RBMS3: variants seen among roughly 807,000 people sequenced by gnomAD.
RBMS3 encodes the protein RNA binding motif single stranded interacting protein 3, also known as RNA-binding motif, single-stranded-interacting protein 3.
A neutral mutation model predicts 66.8 loss-of-function variants in RBMS3; 27 were observed. The observed-to-expected ratio is 0.40, with a 90% CI of 0.30 to 0.56. The LOEUF (loss-of-function observed/expected upper bound fraction) is 0.56. RBMS3 is among the 20% of genes least tolerant of loss of function. The pLI is 0.40. For missense variants in RBMS3, 513 were observed against 549.5 expected, an observed-to-expected ratio of 0.93 and a Z score of 0.66; for synonymous variants, 188 against 183.0, an observed-to-expected ratio of 1.03 and a Z score of -0.22.
chr3:29,922,456 C>T (rs559846848), intron 10 of RBMS3, among the ~76,000 whole-genome samples: 80 of 143,302 alleles, frequency 5.6e-4, no homozygotes, highest in Admixed American at 3.6e-4. Context: ...CACTGCAGTC[C>T]GCAGTCCGGC....
chr3:29,773,443 G>T (rs904326122), intron 6 of RBMS3, among the ~76,000 whole-genome samples: 1 of 151,982 alleles, frequency 6.6e-6, no homozygotes, highest in Non-Finnish European at 1.5e-5. Flanking sequence ...AGCAAGATTG[G>T]GAGGCTGTAC....
intron 10 of RBMS3, among the ~76,000 whole-genome samples, chr3:29,903,827 ATTT>A (rs1292500869): frequency 6.6e-6 from 1 of 151,972 alleles, no homozygotes; most frequent in Non-Finnish European, 1.5e-5. Flanking sequence ...TCAATACATG[ATTT>A]GTTGCCATGG....
intron 3 of RBMS3, among the ~76,000 whole-genome samples, chr3:29,531,595 A>G (rs2045353545): frequency 6.6e-6 from 1 of 152,340 alleles, no homozygotes; most frequent in South Asian, 2.1e-4. Flanking sequence ...AATACGAGAC[A>G]CTGATGTTCC....
intron 14 of RBMS3, among the ~76,000 whole-genome samples, chr3:30,003,044 A>C (rs924974352): frequency 1.3e-5 from 2 of 152,038 alleles, no homozygotes; most frequent in Non-Finnish European, 2.9e-5. Flanking sequence ...CCCTGAGCAA[A>C]GAGGCCTTCA....
At position 30,006,085 on chromosome 3, in the gene RBMS3, C is replaced by T. The variant is rs2125409783; in HGVS notation, c.*2223C>T. On this transcript the variant is annotated 3_prime_UTR_variant, in exon 15 of 15. Transcript: ENST00000383767. ...AGTGAACCATTCACTAGATTGCTTTCTGAATGAATCCTTTGAATCAAATAG... is the reference window on the plus strand; with the variant it reads ...AGTGAACCATTCACTAGATTGCTTTTTGAATGAATCCTTTGAATCAAATAG... 2.0e-5 allele frequency: 3 copies of T among 151,992 alleles called. No individual in the cohort carries two copies. The highest frequency in any genetic ancestry group is 3.4e-3 in the Middle Eastern group (1 of 294). The allele number at this position is 151,992 out of a possible 1,614,324, so 9.4% of individuals were successfully genotyped here.
chr3:29,615,847 T>C (rs1020069158), intron 4 of RBMS3: 5 of 152,240 alleles, frequency 3.3e-5, no homozygotes, highest in African/African-American at 9.6e-5. Context: ...ACATCTCTCT[T>C]ATGTCTTTAC....
intron 4 of RBMS3, among the ~76,000 whole-genome samples, chr3:29,689,954 A>G (rs868010801): frequency 2.5e-4 from 35 of 140,038 alleles, no homozygotes; most frequent in African/African-American, 9.2e-4. Flanking sequence ...AAAAAAAAAA[A>G]AGTGAAAGAA....
At chr3:29,962,692 T>G (rs7612379) in intron 12 of RBMS3, among the ~76,000 whole-genome samples, 50,219 of 151,308 alleles carry the variant, frequency 0.33, 9,270 homozygotes, top group African/African-American at 0.49. Context: ...GGATTACATC[T>G]TGCTTGGATA....
chr3:29,892,812 T>C (rs1462846655), intron 8 of RBMS3, among the ~76,000 whole-genome samples: 2 of 120,906 alleles, frequency 1.7e-5, no homozygotes, highest in Admixed American at 8.4e-5. Flanking sequence ...AGTATGTATG[T>C]ATGTATGTAT....
intron 3 of RBMS3, among the ~76,000 whole-genome samples, chr3:29,521,692 A>G (rs1004398718): frequency 3.9e-5 from 6 of 152,218 alleles, no homozygotes; most frequent in Non-Finnish European, 4.4e-5. Context: ...CTCTTTATGT[A>G]CATTCCCTCA....
chr3:29,345,462 G>A (rs905730789), intron 1 of RBMS3, among the ~76,000 whole-genome samples: 1 of 151,998 alleles, frequency 6.6e-6, no homozygotes, highest in African/African-American at 2.4e-5. Context: ...GTCTCTCACT[G>A]TTTCTTCCTC....
At chr3:29,526,508 G>A (rs917795658) in intron 3 of RBMS3, among the ~76,000 whole-genome samples, 1 of 99,124 alleles carries the variant, frequency 1.0e-5, no homozygotes, top group Non-Finnish European at 1.8e-5. Flanking sequence ...ACGACAGAGC[G>A]AGACTCCATC....
At chr3:29,935,148 A>G (rs997889447) in intron 10 of RBMS3, among the ~76,000 whole-genome samples, 2 of 152,062 alleles carry the variant, frequency 1.3e-5, no homozygotes, top group African/African-American at 4.8e-5. Context: ...AAGCTTTTTA[A>G]GTTTGTTTTT....
At chr3:29,551,120 A>G (rs2046167218) in intron 3 of RBMS3, among the ~76,000 whole-genome samples, 1 of 152,198 alleles carries the variant, frequency 6.6e-6, no homozygotes, top group South Asian at 2.1e-4. Context: ...TTAAGCCTTG[A>G]TGGGCAGGTA....
At chr3:29,969,426 C>T (rs1393970049) in intron 12 of RBMS3, among the ~76,000 whole-genome samples, 1 of 152,182 alleles carries the variant, frequency 6.6e-6, no homozygotes, top group Non-Finnish European at 1.5e-5. Context: ...AGAGCTGCCT[C>T]AAATGATATC....
chr3:29,430,584 C>T (rs1042901329), intron 1 of RBMS3, among the ~76,000 whole-genome samples: 1 of 152,132 alleles, frequency 6.6e-6, no homozygotes, highest in African/African-American at 2.4e-5. Flanking sequence ...ATGCAATTTA[C>T]TAAATGGTGT....
intron 3 of RBMS3, among the ~76,000 whole-genome samples, chr3:29,551,341 A>G (rs189405925): frequency 1.2e-4 from 19 of 152,342 alleles, no homozygotes; most frequent in African/African-American, 4.3e-4. Context: ...GGGAGAGAGC[A>G]TTGCAGATTA....
chr3:29,623,062 G>T (rs1194152336), intron 4 of RBMS3, among the ~76,000 whole-genome samples: 1 of 142,566 alleles, frequency 7.0e-6, no homozygotes, highest in Non-Finnish European at 1.5e-5. Context: ...AGTGAGCCGA[G>T]ATCGTACCAC....
intron 1 of RBMS3, among the ~76,000 whole-genome samples, chr3:29,415,699 G>A (rs2040450003): frequency 6.6e-6 from 1 of 152,242 alleles, no homozygotes; most frequent in African/African-American, 2.4e-5. Context: ...GGATGGAAAA[G>A]GCAGATGTGG....
Sources: gnomAD v4.1 joint callset for allele counts (sites outside exome capture counted in the v4.1 genomes callset) on GRCh38, gnomAD v4.1.1 for gene constraint, MANE v1.5 for transcripts, NCBI Gene and HGNC (gene_info 2026-07-23, HGNC 2026-07-21) for gene names.